Variants in KCMF1 observed in about 807,000 individuals in gnomAD.
The protein encoded by KCMF1 is potassium channel modulatory factor 1, also known as E3 ubiquitin-protein ligase KCMF1.
A neutral mutation model predicts 41.1 loss-of-function variants in KCMF1; 3 were observed. The ratio of observed to expected loss-of-function variants is 0.07; its 90% CI spans 0.03 to 0.19. The LOEUF (loss-of-function observed/expected upper bound fraction) is 0.19. Ranked by LOEUF, KCMF1 falls within the 10% of genes least tolerant of loss-of-function variation. KCMF1 has a pLI of 1.00. For synonymous variants in KCMF1, 142 were observed against 164.5 expected (o/e 0.86, Z 1.04); for missense variants, 286 against 488.9 (o/e 0.58, Z 3.91).
At chr2:85,006,295 CTTTTTTTTTTTT>C (rs1163405427) in intron 1 of KCMF1, among the ~76,000 whole-genome samples, 3 of 94,216 alleles carry the variant, frequency 3.2e-5, no homozygotes, top group African/African-American at 1.4e-4. Flanking sequence ...TTCTCATTTT[CTTTTTTTTTTTT>C]TTTTTTTTTT....
At chr2:84,981,880 A>G (rs1445318209) in intron 1 of KCMF1, among the ~76,000 whole-genome samples, 1 of 151,914 alleles carries the variant, frequency 6.6e-6, no homozygotes, top group Non-Finnish European at 1.5e-5. Flanking sequence ...CCTGGGTTCA[A>G]ATGATTCTCC....
intron 1 of KCMF1, among the ~76,000 whole-genome samples, chr2:84,991,829 T>G (rs1674048794): frequency 6.6e-6 from 1 of 152,178 alleles, no homozygotes; most frequent in African/African-American, 2.4e-5. Context: ...CTACTTGAGA[T>G]CATATTACAA....
chr2:85,014,943 T>C lies in KCMF1; in HGVS notation c.17-12946T>C, dbSNP rs528411516. On this transcript the variant is annotated intron_variant, in intron 1 of 6. Coordinates refer to ENST00000409785, the MANE Select transcript of KCMF1 (RefSeq NM_020122.5). ...GGGCTATTGTTGCCACCTGGTGGCT[T>C]ACTCCTAGAGGTATTTGGTACAGCA... Among the ~76,000 whole-genome samples, 3 of 152,024 alleles carry C rather than the reference T, an allele frequency of 2.0e-5. No homozygotes were observed. The South Asian group carries it at 6.2e-4, about 32-fold the overall frequency.
intron 1 of KCMF1, among the ~76,000 whole-genome samples, chr2:84,985,553 T>A (rs1673879851): frequency 6.6e-6 from 1 of 150,806 alleles, no homozygotes. Flanking sequence ...GGGCCTGGCC[T>A]GGCGCGGTGG....
intron 1 of KCMF1, among the ~76,000 whole-genome samples, chr2:84,996,518 C>G (rs900536161): frequency 1.3e-5 from 2 of 150,046 alleles, no homozygotes; most frequent in Non-Finnish European, 3.0e-5. Flanking sequence ...TCACTGGAAC[C>G]TCCGCCTCCT....
At chr2:84,982,161 G>C (rs1340233022) in intron 1 of KCMF1, among the ~76,000 whole-genome samples, 1 of 152,056 alleles carries the variant, frequency 6.6e-6, no homozygotes, top group Non-Finnish European at 1.5e-5. Context: ...TGTGTTCAGT[G>C]TAGTTTTTGT....
At chr2:85,044,820 T>A (rs754375975) in intron 4 of KCMF1, among the ~76,000 whole-genome samples, 4 of 152,340 alleles carry the variant, frequency 2.6e-5, no homozygotes, top group Non-Finnish European at 5.9e-5. Flanking sequence ...GCCCAGCCTC[T>A]TGCTTTTATT....
rs965262550 is a variant in KCMF1, at chr2:84,976,788, C to G, written c.16+5321C>G. Reference sequence around the variant, plus strand: ...ATTGTTATGCTAGTTTCAGAAGTATCTGATACTATTTATTTTTAAAATGTA... The same window carrying G: ...ATTGTTATGCTAGTTTCAGAAGTATGTGATACTATTTATTTTTAAAATGTA... On this transcript the variant is annotated intron_variant, in intron 1 of 6. Transcript: ENST00000409785. Among the ~76,000 whole-genome samples, 3 of 152,050 alleles carry G rather than the reference C, an allele frequency of 2.0e-5. No individual in the cohort carries two copies. In the East Asian group the frequency reaches 5.8e-4, roughly 29 times the overall value.
intron 2 of KCMF1, among the ~76,000 whole-genome samples, chr2:85,030,300 T>C (rs544079626): frequency 6.6e-6 from 1 of 152,334 alleles, no homozygotes; most frequent in African/African-American, 2.4e-5. Flanking sequence ...TGTTTTCACT[T>C]TCTTGGTGGT....
rs1673388535 is a variant in KCMF1 at position 84,971,395 on chromosome 2, CG to C, written c.-52del. On this transcript the variant is annotated 5_prime_UTR_variant, in exon 1 of 7. Coordinates refer to ENST00000409785, the MANE Select transcript of KCMF1 (RefSeq NM_020122.5). ...CGGCGCGGGCAGCGCCGGGACCCCG[CG>C]GGGGACACTGCAGCCGGAGCCCGGG... 2 of 1,126,672 alleles carry C rather than the reference CG, an allele frequency of 1.8e-6. No homozygotes were observed. Among genetic ancestry groups the C allele is most frequent in the Non-Finnish European group, 1.1e-6 (1 of 913,648 alleles). The allele number at this position is 1,126,672 out of a possible 1,614,324, so 69.8% of individuals were successfully genotyped here. A position where few individuals can be genotyped will look rare whatever the true frequency, so the allele number is the denominator to read the frequency against.
intron 2 of KCMF1, among the ~76,000 whole-genome samples, chr2:85,034,258 G>C (rs968549798): frequency 2.0e-5 from 3 of 152,078 alleles, no homozygotes; most frequent in African/African-American, 7.2e-5. Context: ...GGTCCTTCCT[G>C]CTCTAAAAGC....
chr2:85,042,355 T>G (rs1675559878), intron 3 of KCMF1, among the ~76,000 whole-genome samples: 1 of 152,132 alleles, frequency 6.6e-6, no homozygotes, highest in Admixed American at 6.5e-5. Context: ...TCAGAGCAGT[T>G]TGTTTTCCCT....
chr2:84,985,822 C>A (rs565562073), intron 1 of KCMF1, among the ~76,000 whole-genome samples: 2 of 147,976 alleles, frequency 1.4e-5, no homozygotes, highest in South Asian at 4.3e-4. Context: ...GAGCCAGACT[C>A]CATCTCAAAA....
Position 84,971,443 on chromosome 2 carries a change from T to C in KCMF1, c.-9T>C. On this transcript the variant is annotated 5_prime_UTR_variant, in exon 1 of 7. Transcript: ENST00000409785. ...CGGGAGGGGCCGCGCCGCCACCGTC[T>C]GAACTAGGATGTCCCGACATGAAGG... The C allele has an allele frequency of 1.6e-6, 2 of 1,263,034 alleles. No individual in the cohort carries two copies. Among genetic ancestry groups the C allele is most frequent in the Non-Finnish European group, 2.0e-6 (2 of 982,468 alleles). The allele number at this position is 1,263,034 out of a possible 1,614,324, so 78.2% of individuals were successfully genotyped here.
intron 5 of KCMF1, among the ~76,000 whole-genome samples, chr2:85,046,607 G>A (rs2104060825): frequency 6.6e-6 from 1 of 150,692 alleles, no homozygotes; most frequent in South Asian, 2.1e-4. Context: ...TCCAGCCTGG[G>A]TGATGGAGTG....
intron 1 of KCMF1, among the ~76,000 whole-genome samples, chr2:84,992,198 G>A (rs1217543280): frequency 6.6e-6 from 1 of 152,138 alleles, no homozygotes; most frequent in Non-Finnish European, 1.5e-5. Flanking sequence ...TTATTAGATG[G>A]TTTTATATAT....
intron 1 of KCMF1, among the ~76,000 whole-genome samples, chr2:85,002,922 C>T (rs1674369382): frequency 6.6e-6 from 1 of 152,090 alleles, no homozygotes; most frequent in African/African-American, 2.4e-5. Context: ...CATTTTAAAA[C>T]AAGACACACA....
intron 1 of KCMF1, among the ~76,000 whole-genome samples, chr2:84,981,345 G>A (rs55897354): frequency 0.11 from 16,293 of 151,648 alleles, 1,464 homozygotes; most frequent in East Asian, 0.42. Context: ...ACCTGCCACC[G>A]CTCCCGGCTA....
chr2:84,998,088 CTTAT>C (rs1185218230), intron 1 of KCMF1, among the ~76,000 whole-genome samples: 3 of 150,910 alleles, frequency 2.0e-5, no homozygotes, highest in African/African-American at 7.3e-5. Context: ...GTACATTTTA[CTTAT>C]TTATTTATTT....
Sources: gnomAD v4.1 joint callset for allele counts (sites outside exome capture counted in the v4.1 genomes callset) on GRCh38, gnomAD v4.1.1 for gene constraint, MANE v1.5 for transcripts, NCBI Gene and HGNC (gene_info 2026-07-23, HGNC 2026-07-21) for gene names.